IDO2: variants seen among roughly 807,000 people sequenced by gnomAD.
The protein encoded by IDO2 is indoleamine 2,3-dioxygenase-like 1 protein.
A neutral mutation model predicts 45.1 loss-of-function variants in IDO2; 46 were observed. The observed-to-expected ratio is 1.02, with a 90% confidence interval of 0.80 to 1.30. The LOEUF is 1.30. IDO2 is among the 50% of genes most tolerant of loss of function. IDO2 has a pLI of 0.00. For synonymous variants in IDO2, 218 were observed against 184.9 expected, an observed-to-expected ratio of 1.18 and a Z score of -1.45; for missense variants, 544 against 491.8, an observed-to-expected ratio of 1.11 and a Z score of -1.00.
At chr8:39,992,893 G>A (rs1801960255) in intron 8 of IDO2, among the ~76,000 whole-genome samples, 1 of 152,106 alleles carries the variant, frequency 6.6e-6, no homozygotes, top group Non-Finnish European at 1.5e-5. Context: ...GACTGCAGTG[G>A]CGTTTTGGAG....
At chr8:39,990,604 C>A (rs1808485415) in intron 8 of IDO2, among the ~76,000 whole-genome samples, 1 of 152,210 alleles carries the variant, frequency 6.6e-6, no homozygotes, top group Non-Finnish European at 1.5e-5. Flanking sequence ...TTTATTGATG[C>A]TCATAGCCAA....
Position 39,990,758 on chromosome 8 carries a change from G to A in IDO2, c.667+920G>A, listed in dbSNP as rs547449265. Among the ~76,000 whole-genome samples, 123 of 152,296 alleles carry A rather than the reference G, an allele frequency of 8.1e-4. 5 individuals carry two copies. The highest frequency in any genetic ancestry group is 2.4e-4 in the Non-Finnish European group (16 of 68,024). ...ATGCCCTATTCCAGAATAAATATCA[G>A]TTTCCATTAGGGAGCCTCTCCCTGT... On this transcript the variant is annotated intron_variant, in intron 8 of 10. Coordinates refer to ENST00000502986, the Ensembl canonical transcript of IDO2.
chr8:39,948,731 T>G (rs1163809130), intron 1 of IDO2, among the ~76,000 whole-genome samples: 1 of 152,216 alleles, frequency 6.6e-6, no homozygotes, highest in East Asian at 1.9e-4. Context: ...ACAATTTTGA[T>G]AGTTTACTCC....
chr8:39,956,260 C>T (rs537705570), intron 2 of IDO2, among the ~76,000 whole-genome samples: 2 of 152,118 alleles, frequency 1.3e-5, no homozygotes, highest in African/African-American at 4.8e-5. Context: ...CGGGATTTCC[C>T]CATGTTGGCC....
At chr8:39,941,316 T>C (rs549466238) in intron 1 of IDO2, among the ~76,000 whole-genome samples, 1 of 151,368 alleles carries the variant, frequency 6.6e-6, no homozygotes, top group Non-Finnish European at 1.5e-5. Flanking sequence ...GTAGAAGTAG[T>C]GGTGACTGTC....
At chr8:39,952,010 G>C (rs1026917165) in intron 2 of IDO2, among the ~76,000 whole-genome samples, 1 of 152,172 alleles carries the variant, frequency 6.6e-6, no homozygotes, top group Non-Finnish European at 1.5e-5. Flanking sequence ...TGGGAAAGTG[G>C]TTTTACTGTG....
intron 6 of IDO2, 107 bp downstream of exon 6, chr8:39,985,629 C>A: frequency 2.2e-6 from 2 of 892,274 alleles, no homozygotes; most frequent in Non-Finnish European, 1.7e-6. Context: ...AATATAATAT[C>A]AACCATATAA....
At position 39,987,847 on chromosome 8, in the gene IDO2, T is replaced by A. The variant is rs940612591; in HGVS notation, c.450-24T>A. The A allele has an allele frequency of 2.8e-6, 4 of 1,420,168 alleles. No homozygotes were observed. In the African/African-American group the frequency reaches 5.6e-5, roughly 20 times the overall value. The allele number at this position is 1,420,168 out of a possible 1,614,324, so 88.0% of individuals were successfully genotyped here. A position where few individuals can be genotyped will look rare whatever the true frequency, so the allele number is the denominator to read the frequency against. ...CACGGTACAGTCTCCACACCTCTAA[T>A]CATGTGCTCCTCTCCTTCCCAAGGA... On this transcript the variant is annotated intron_variant, in intron 6 of 10. Transcript: ENST00000502986.
chr8:40,004,928 G>A (rs915895457), intron 8 of IDO2, among the ~76,000 whole-genome samples: 13 of 152,126 alleles, frequency 8.5e-5, no homozygotes, highest in Non-Finnish European at 1.6e-4. Flanking sequence ...GTTAAGCATC[G>A]GTGAATTTAG....
chr8:39,984,422 C>A (rs1179741568), intron 5 of IDO2, among the ~76,000 whole-genome samples: 1 of 152,200 alleles, frequency 6.6e-6, no homozygotes, highest in East Asian at 1.9e-4. Flanking sequence ...TTGCAGTAAG[C>A]TGAGACTGCA....
chr8:39,963,083 C>T (rs1051345083), intron 2 of IDO2, among the ~76,000 whole-genome samples: 3 of 152,316 alleles, frequency 2.0e-5, no homozygotes, highest in Admixed American at 2.0e-4. Context: ...ATCTGTCTGC[C>T]TCCTGCCTCT....
chr8:39,979,884 A>G (rs991468891), intron 4 of IDO2, among the ~76,000 whole-genome samples: 2 of 152,138 alleles, frequency 1.3e-5, no homozygotes, highest in African/African-American at 2.4e-5. Flanking sequence ...CAGTGGTGCA[A>G]TCATAGCTCA....
At chr8:39,971,632 CA>C (rs1393038035) in intron 3 of IDO2, among the ~76,000 whole-genome samples, 1 of 152,056 alleles carries the variant, frequency 6.6e-6, no homozygotes, top group Non-Finnish European at 1.5e-5. Flanking sequence ...TGGAGGACGT[CA>C]AAATAAAAAC....
intron 7 of IDO2, 41 bp downstream of exon 7, chr8:39,988,011 C>T: frequency 8.2e-7 from 1 of 1,221,396 alleles, no homozygotes; most frequent in Non-Finnish European, 1.2e-6. Context: ...TTTAAATGAG[C>T]TTGAGCTTTA....
intron 2 of IDO2, among the ~76,000 whole-genome samples, chr8:39,950,434 A>C (rs2129593346): frequency 6.6e-6 from 1 of 152,340 alleles, no homozygotes; most frequent in Middle Eastern, 3.4e-3. Flanking sequence ...GGGGAGGCTG[A>C]GGCAGGAGAA....
At chr8:39,951,049 A>AAACAAAACAG (rs1554544695) in intron 2 of IDO2, among the ~76,000 whole-genome samples, 1 of 151,140 alleles carries the variant, frequency 6.6e-6, no homozygotes, top group South Asian at 2.1e-4. Context: ...AAACAAAACA[A>AAACAAAACAG]AACAAAACAA....
chr8:39,940,104 T>A (rs775416117), intron 1 of IDO2, among the ~76,000 whole-genome samples: 29 of 152,158 alleles, frequency 1.9e-4, no homozygotes, highest in Non-Finnish European at 3.2e-4. Context: ...TAAGCACAAT[T>A]GTCTCTAGCC....
At chr8:39,992,051 C>G (rs2729478) in intron 8 of IDO2, among the ~76,000 whole-genome samples, 136,112 of 152,326 alleles carry the variant, frequency 0.89, 61,101 homozygotes, top group African/African-American at 0.97. Context: ...TCTATATGGA[C>G]AAATAGCTGA....
chr8:39,967,636 C>T (rs973787772), intron 3 of IDO2, among the ~76,000 whole-genome samples: 26 of 151,994 alleles, frequency 1.7e-4, no homozygotes, highest in Admixed American at 7.2e-4. Flanking sequence ...TACAGGCACC[C>T]GCCACCACAC....
Sources: gnomAD v4.1 joint callset for allele counts (sites outside exome capture counted in the v4.1 genomes callset) on GRCh38, gnomAD v4.1.1 for gene constraint, MANE v1.5 for transcripts, NCBI Gene and HGNC (gene_info 2026-07-23, HGNC 2026-07-21) for gene names.